The following POFUT3 variants were observed in gnomAD, a reference collection of about 807,000 sequenced individuals.
POFUT3 encodes the protein protein O-fucosyltransferase 3, also known as GDP-fucose protein O-fucosyltransferase 3.
chr8:33,437,680 G>A, the POFUT3 span, among the ~76,000 whole-genome samples: 13 of 152,154 alleles, frequency 8.5e-5, no homozygotes, highest in African/African-American at 2.4e-4. Context: ...GCATTGTGGC[G>A]CATGCCTGTA....
At chr8:33,318,316 C>A in the POFUT3 span, among the ~76,000 whole-genome samples, 1 of 150,878 alleles carries the variant, frequency 6.6e-6, no homozygotes, top group East Asian at 1.9e-4. Flanking sequence ...TGCTTAAAAG[C>A]TCAGGCTAGA....
the POFUT3 span, among the ~76,000 whole-genome samples, chr8:33,445,466 C>T: frequency 6.6e-6 from 1 of 152,132 alleles, no homozygotes. Context: ...GAGAATGGGT[C>T]ATAGATATGT....
At chr8:33,453,088 C>T in the POFUT3 span, 1 of 903,380 alleles carries the variant, frequency 1.1e-6, no homozygotes, top group Non-Finnish European at 1.7e-6. Flanking sequence ...AGAGCAAATG[C>T]AAAGGAAATC....
At chr8:33,441,053 G>A in the POFUT3 span, among the ~76,000 whole-genome samples, 25 of 152,076 alleles carry the variant, frequency 1.6e-4, no homozygotes, top group South Asian at 4.2e-3. Flanking sequence ...GGTTCTGGCC[G>A]GGCACAGTGG....
the POFUT3 span, among the ~76,000 whole-genome samples, chr8:33,451,457 T>G: frequency 6.6e-6 from 1 of 152,078 alleles, no homozygotes. Context: ...CATGTGTATA[T>G]GTGTATGTAT....
At chr8:33,396,714 A>G in the POFUT3 span, among the ~76,000 whole-genome samples, 3 of 152,226 alleles carry the variant, frequency 2.0e-5, no homozygotes, top group African/African-American at 7.2e-5. Context: ...ACTGTGCTGT[A>G]AATTCCTTCT....
the POFUT3 span, chr8:33,436,527 G>C: frequency 9.0e-7 from 1 of 1,110,216 alleles, no homozygotes; most frequent in Non-Finnish European, 1.4e-6. Flanking sequence ...CATAAAGCTT[G>C]TGATGGTGCA....
At chr8:33,461,566 T>C in the POFUT3 span, 1 of 1,563,774 alleles carries the variant, frequency 6.4e-7, no homozygotes. Flanking sequence ...GCCAATTTCC[T>C]GCACTGCCAT....
At chr8:33,372,072 T>G in the POFUT3 span, 1 of 776,178 alleles carries the variant, frequency 1.3e-6, no homozygotes, top group Non-Finnish European at 1.6e-6. Context: ...GAAGAGTGGA[T>G]AGTGGATAAA....
chr8:33,428,800 G>A, the POFUT3 span, among the ~76,000 whole-genome samples: 4 of 152,118 alleles, frequency 2.6e-5, no homozygotes, highest in African/African-American at 7.2e-5. Context: ...CTTCCACCAC[G>A]GGATGACATA....
chr8:33,319,647 T>A, the POFUT3 span, among the ~76,000 whole-genome samples: 5 of 50,362 alleles, frequency 9.9e-5, no homozygotes, highest in African/African-American at 1.3e-4. Flanking sequence ...TATTTATATA[T>A]TATATAAATA....
chr8:33,351,557 C>T, the POFUT3 span, among the ~76,000 whole-genome samples: 1 of 152,168 alleles, frequency 6.6e-6, no homozygotes, highest in Admixed American at 6.5e-5. Flanking sequence ...GTGATCTCCA[C>T]ATGCACCAGC....
chr8:33,369,851 A>G, the POFUT3 span, among the ~76,000 whole-genome samples: 1 of 152,150 alleles, frequency 6.6e-6, no homozygotes, highest in Non-Finnish European at 1.5e-5. Context: ...TCTGGTTACT[A>G]GAATCTAGTC....
At chr8:33,389,030 T>C in the POFUT3 span, 3 of 1,614,050 alleles carry the variant, frequency 1.9e-6, no homozygotes, top group Non-Finnish European at 2.5e-6. Context: ...ATCGATGTAA[T>C]TGTCCTGGTT....
At chr8:33,430,073 C>T in the POFUT3 span, among the ~76,000 whole-genome samples, 2 of 151,964 alleles carry the variant, frequency 1.3e-5, no homozygotes, top group Admixed American at 6.6e-5. Flanking sequence ...ACTCACCACC[C>T]TCTACTCCAC....
the POFUT3 span, among the ~76,000 whole-genome samples, chr8:33,348,228 G>T: frequency 6.6e-6 from 1 of 151,076 alleles, no homozygotes; most frequent in African/African-American, 2.4e-5. Context: ...GCAGATGAAT[G>T]CTACATAGTC....
the POFUT3 span, among the ~76,000 whole-genome samples, chr8:33,431,607 T>A: frequency 4.9e-5 from 7 of 141,826 alleles, no homozygotes; most frequent in Admixed American, 3.7e-4. Context: ...ATTGCATAAT[T>A]CCTTTGAAGG....
At chr8:33,318,230 A>C in the POFUT3 span, among the ~76,000 whole-genome samples, 1 of 151,720 alleles carries the variant, frequency 6.6e-6, no homozygotes, top group African/African-American at 2.4e-5. Flanking sequence ...TTTCGTCTGA[A>C]GTTTAAACTG....
the POFUT3 span, among the ~76,000 whole-genome samples, chr8:33,358,137 C>A: frequency 6.6e-6 from 1 of 152,146 alleles, no homozygotes; most frequent in South Asian, 2.1e-4. Context: ...TCTGTAGTCC[C>A]AGCTACCTGG....
Sources: gnomAD v4.1 joint callset for allele counts (sites outside exome capture counted in the v4.1 genomes callset) on GRCh38, gnomAD v4.1.1 for gene constraint, MANE v1.5 for transcripts, NCBI Gene and HGNC (gene_info 2026-07-23, HGNC 2026-07-21) for gene names.